Variants in NEMP2 observed in about 807,000 individuals in gnomAD.
NEMP2 encodes nuclear envelope integral membrane protein 2.
In NEMP2, 53 loss-of-function variants were observed where a neutral mutation model predicts 54.2. The observed-to-expected ratio is 0.98, with a 90% confidence interval of 0.78 to 1.23. The LOEUF (loss-of-function observed/expected upper bound fraction) is 1.23, where lower values mean the gene tolerates loss of function less well. Among genes scored for constraint, NEMP2 ranks in the 50% most tolerant of loss-of-function variants. The probability of loss-of-function intolerance (pLI) is 0.00; values close to 1 mark genes in which losing one functional copy is unlikely to be tolerated. For synonymous variants in NEMP2, 197 were observed against 190.3 expected, an observed-to-expected ratio of 1.04 and a Z score of -0.29; for missense variants, 455 against 511.3, an observed-to-expected ratio of 0.89 and a Z score of 1.06.
chr2:190,621,597 GT>G, the NEMP2 span, among the ~76,000 whole-genome samples: 856 of 143,858 alleles, frequency 6.0e-3, 4 homozygotes, highest in African/African-American at 0.018. Flanking sequence ...CTGTCTTTGG[GT>G]TTTTTTTTTT....
chr2:190,490,329 C>T, the NEMP2 span, among the ~76,000 whole-genome samples: 3 of 151,150 alleles, frequency 2.0e-5, no homozygotes, highest in South Asian at 4.2e-4. This position sits in a 1 kb window ranked among gnomAD's most constrained non-coding sequence, Gnocchi z 4.5. Flanking sequence ...TTTGGGAGGC[C>T]GAGGCGGGTG....
At chr2:190,481,348 T>C in the NEMP2 span, among the ~76,000 whole-genome samples, 1 of 152,244 alleles carries the variant, frequency 6.6e-6, no homozygotes, top group Admixed American at 6.5e-5. Context: ...GATCTACTAT[T>C]TTATTTCCTC....
chr2:190,475,338 C>T, the NEMP2 span, among the ~76,000 whole-genome samples: 3 of 152,184 alleles, frequency 2.0e-5, no homozygotes, highest in Non-Finnish European at 4.4e-5. Flanking sequence ...CCCAAAATCT[C>T]CTTAAGCTGA....
At chr2:190,434,042 G>A in the NEMP2 span, among the ~76,000 whole-genome samples, 3 of 151,996 alleles carry the variant, frequency 2.0e-5, no homozygotes, top group African/African-American at 7.2e-5. This position sits in a 1 kb window ranked among gnomAD's most constrained non-coding sequence, Gnocchi z 4.3. Context: ...AATTAGTTGG[G>A]CATGGTGGCA....
At position 190,509,260 on chromosome 2, in the gene NEMP2, G is replaced by A. The variant is rs1690273695; in HGVS notation, c.1183C>T (p.Leu395=). The A allele has an allele frequency of 6.4e-7, 1 of 1,551,742 alleles. No individual in the cohort carries two copies. The highest frequency in any genetic ancestry group is 1.2e-5 in the South Asian group (1 of 84,054). Residue 395 remains leucine, a synonymous_variant, in exon 9 of 9, where the codon CTG becomes TTG. Transcript: ENST00000409150. The surrounding 1 kb of genome is among the most constrained non-coding windows in gnomAD (Gnocchi z 6.1). ...CCAAGGCCATACTGCTCTTCATGCA[G>A]ACTGATTTCTTCAGGTGACAAGTGG... ...GSHLSPEEIS[L]HEEQYGLGGA...
chr2:190,463,981 C>A, the NEMP2 span: 9 of 777,850 alleles, frequency 1.2e-5, no homozygotes, highest in Non-Finnish European at 1.2e-5. The surrounding 1 kb of genome is among the most constrained non-coding windows in gnomAD (Gnocchi z 4.4). Context: ...ACAACCAGCT[C>A]TTTTCATTAG....
the NEMP2 span, chr2:190,489,991 T>C: frequency 1.4e-6 from 1 of 709,492 alleles, no homozygotes; most frequent in South Asian, 2.1e-5. This position sits in a 1 kb window ranked among gnomAD's most constrained non-coding sequence, Gnocchi z 6.6. Flanking sequence ...ATTTTCTGAG[T>C]GGCGTATCGA....
In NEMP2 at chr2:190,534,626, C is replaced by A. The variant is rs919593683; in HGVS notation, c.30G>T (p.Leu10=). 1.8e-4 allele frequency: 242 copies of A among 1,364,172 alleles called. No individual in the cohort carries two copies. In the African/African-American group the frequency reaches 3.0e-3, roughly 17 times the overall value. 84.5% of individuals were successfully genotyped at this position (1,364,172 alleles called of 1,614,324 possible). The change falls in exon 1 of 9, where the codon CTG becomes CTT. Residue 10 remains leucine (L), a synonymous_variant. Transcript: ENST00000409150. MGPRQGRWW[L]LLWLPPLATL... is the part of the protein sequence containing the mutation. ...TGGCCAGGGGCGGCAGCCAGAGCAG[C>A]AGCCACCACCGCCCTTGGCGCGGCC...
At chr2:190,478,877 C>G in the NEMP2 span, among the ~76,000 whole-genome samples, 3 of 152,220 alleles carry the variant, frequency 2.0e-5, no homozygotes, top group South Asian at 6.2e-4. Context: ...TCCTACCACC[C>G]TTGCTTTATC....
chr2:190,469,941 A>G, the NEMP2 span: 1 of 911,634 alleles, frequency 1.1e-6, no homozygotes, highest in African/African-American at 1.7e-5. The surrounding 1 kb of genome is among the most constrained non-coding windows in gnomAD (Gnocchi z 5.3). Flanking sequence ...ATCTGATTCT[A>G]TAAAGGAAGG....
At chr2:190,602,177 T>C in the NEMP2 span, among the ~76,000 whole-genome samples, 11 of 151,968 alleles carry the variant, frequency 7.2e-5, no homozygotes, top group African/African-American at 2.7e-4. Flanking sequence ...GAAGGAGAAA[T>C]AGACATAAAG....
chr2:190,492,762 C>CACTACCAAGCCAGCACTCCAAGA, the NEMP2 span, among the ~76,000 whole-genome samples: 602 of 151,628 alleles, frequency 4.0e-3, 5 homozygotes, highest in Middle Eastern at 0.02. The surrounding 1 kb of genome is among the most constrained non-coding windows in gnomAD (Gnocchi z 5.2). Flanking sequence ...GAGAATTCAC[C>CACTACCAAGCCAGCACTCCAAGA]ACTACCAAGC....
the NEMP2 span, chr2:190,477,501 G>A: frequency 3.4e-6 from 1 of 296,642 alleles, no homozygotes; most frequent in African/African-American, 2.3e-5. Context: ...CCCAAGAAAA[G>A]AGAACATCCA....
the NEMP2 span, chr2:190,497,656 C>T: frequency 6.2e-7 from 1 of 1,614,116 alleles, no homozygotes; most frequent in Non-Finnish European, 8.5e-7. The surrounding 1 kb of genome is among the most constrained non-coding windows in gnomAD (Gnocchi z 5.2). Context: ...ATGCACTCTA[C>T]CAAATTAAAG....
chr2:190,521,512 A>C lies in NEMP2; in HGVS notation c.214-2329T>G, dbSNP rs374008278. 8.5e-5 allele frequency among the ~76,000 whole-genome samples: 13 copies of C among 152,340 alleles called. 2 individuals carry two copies. Among genetic ancestry groups the C allele is most frequent in the African/African-American group, 2.9e-4 (12 of 41,580 alleles). On this transcript the variant is annotated intron_variant, in intron 2 of 8. Transcript: ENST00000409150. This position sits in a 1 kb window ranked among gnomAD's most constrained non-coding sequence, Gnocchi z 6.2. ...TCTCTCAGCATACAACATTTAAAAA[A>C]GAAGAAACAACCTTCTGTGGACTCC...
chr2:190,539,235 T>G (rs1408680043), upstream of NEMP2, among the ~76,000 whole-genome samples: 1 of 152,184 alleles, frequency 6.6e-6, no homozygotes, highest in Non-Finnish European at 1.5e-5. This position sits in a 1 kb window ranked among gnomAD's most constrained non-coding sequence, Gnocchi z 4.1. Flanking sequence ...TCCTTGGTAC[T>G]TCTGTTGAAA....
In NEMP2 at chr2:190,520,979, T is replaced by C. The variant is rs1339021383; in HGVS notation, c.214-1796A>G. The stretch of plus-strand genomic sequence containing the variant: ...CATACCCTTGACTCCTTTGTACCCC[T>C]CTTGCTTTGTCATGCTCACTTGCAA... On this transcript the variant is annotated intron_variant, in intron 2 of 8. Transcript: ENST00000409150. The surrounding 1 kb of genome is among the most constrained non-coding windows in gnomAD (Gnocchi z 5.4). 1.3e-5 allele frequency among the ~76,000 whole-genome samples: 2 copies of C among 152,176 alleles called. No homozygotes were observed. Among genetic ancestry groups the C allele is most frequent in the Non-Finnish European group, 1.5e-5 (1 of 68,026 alleles).
downstream of NEMP2, chr2:190,500,253 C>G (rs775845991): frequency 6.2e-7 from 1 of 1,610,736 alleles, no homozygotes; most frequent in South Asian, 1.1e-5. The surrounding 1 kb of genome is among the most constrained non-coding windows in gnomAD (Gnocchi z 5.3). Flanking sequence ...TGCATGGAAT[C>G]AGGCTCCTCA....
chr2:190,635,330 C>T, the NEMP2 span, among the ~76,000 whole-genome samples: 1 of 152,238 alleles, frequency 6.6e-6, no homozygotes, highest in Non-Finnish European at 1.5e-5. This position sits in a 1 kb window ranked among gnomAD's most constrained non-coding sequence, Gnocchi z 4.1. Flanking sequence ...AATCCTCCCA[C>T]CTCAGCCTCC....
Sources: allele counts gnomAD v4.1 joint callset (sites outside exome capture counted in the v4.1 genomes callset), GRCh38; gene constraint gnomAD v4.1.1; non-coding constraint Gnocchi (gnomAD v3.1); transcripts MANE v1.5; gene names NCBI Gene and HGNC (gene_info 2026-07-23, HGNC 2026-07-21).